Variants in HMG20A observed in about 807,000 individuals in gnomAD.
The protein encoded by HMG20A is high mobility group protein 20A.
HMG20A carries 17 observed loss-of-function variants against 43.9 expected under a neutral mutation model. That is an observed-to-expected ratio of 0.39 (90% CI 0.27 to 0.58). HMG20A has a LOEUF of 0.58. Among genes scored for constraint, HMG20A ranks in the 20% least tolerant of loss-of-function variants. HMG20A has a pLI of 0.59. For synonymous variants in HMG20A, 132 were observed against 147.5 expected, an observed-to-expected ratio of 0.89 and a Z score of 0.76; for missense variants, 341 against 438.2, an observed-to-expected ratio of 0.78 and a Z score of 1.98.
At chr15:77,519,110 C>T in the HMG20A span, among the ~76,000 whole-genome samples, 1 of 152,186 alleles carries the variant, frequency 6.6e-6, no homozygotes, top group African/African-American at 2.4e-5. Context: ...CATCCATTGT[C>T]CCTTCTGGCC....
chr15:77,433,568 T>C (rs943927029), intron 1 of HMG20A, among the ~76,000 whole-genome samples: 2 of 152,164 alleles, frequency 1.3e-5, no homozygotes, highest in African/African-American at 4.8e-5. Context: ...CTAAATGTGT[T>C]ACTTGGGAAT....
chr15:77,433,027 T>C (rs1008096931), intron 1 of HMG20A, among the ~76,000 whole-genome samples: 4 of 152,126 alleles, frequency 2.6e-5, no homozygotes, highest in Non-Finnish European at 5.9e-5. Flanking sequence ...CATGAAGAAA[T>C]AGAATATCTG....
rs76330870 is a variant in HMG20A, at chr15:77,468,671, T to C, written c.450+1364T>C. ...CACACACAAAATTTTGTTTTAATCATGTGAGGATAAATTATATACATTGTA... is the reference window on the plus strand; with the variant it reads ...CACACACAAAATTTTGTTTTAATCACGTGAGGATAAATTATATACATTGTA... On this transcript the variant is annotated intron_variant, in intron 4 of 9. Transcript: ENST00000336216. Among the ~76,000 whole-genome samples the C allele has an allele frequency of 1.9e-3, 283 of 152,018 alleles. 4 individuals are homozygous for C. The highest frequency in any genetic ancestry group is 6.6e-3 in the African/African-American group (273 of 41,452).
chr15:77,437,355 A>G (rs1331591919), intron 1 of HMG20A, among the ~76,000 whole-genome samples: 1 of 152,214 alleles, frequency 6.6e-6, no homozygotes, highest in East Asian at 1.9e-4. Flanking sequence ...AAGAAAATAG[A>G]TCATGCCATC....
At chr15:77,476,352 G>A (rs2072855084) in intron 6 of HMG20A, among the ~76,000 whole-genome samples, 2 of 152,088 alleles carry the variant, frequency 1.3e-5, no homozygotes. Context: ...AGGCATGGTG[G>A]TGGGCACCTG....
intron 1 of HMG20A, among the ~76,000 whole-genome samples, chr15:77,440,938 C>T (rs922292001): frequency 9.9e-5 from 15 of 152,102 alleles, no homozygotes; most frequent in African/African-American, 2.4e-4. Context: ...CTACTTGATA[C>T]GGCAGATGTG....
At chr15:77,477,529 A>T in intron 6 of HMG20A, 26 bp from the exon 7 acceptor site, 1 of 1,502,220 alleles carries the variant, frequency 6.7e-7, no homozygotes, top group Non-Finnish European at 9.2e-7. Context: ...TTAAGAATTA[A>T]CTGTTTTGTT....
chr15:77,508,104 C>T, the HMG20A span, among the ~76,000 whole-genome samples: 1 of 152,198 alleles, frequency 6.6e-6, no homozygotes, highest in African/African-American at 2.4e-5. Context: ...ACATTGTGCA[C>T]ACTTCCTGAC....
chr15:77,502,486 T>A, the HMG20A span, among the ~76,000 whole-genome samples: 1 of 152,174 alleles, frequency 6.6e-6, no homozygotes, highest in East Asian at 1.9e-4. Flanking sequence ...CTCGTCCTTC[T>A]CCAAATCCCT....
At chr15:77,516,858 G>C in the HMG20A span, among the ~76,000 whole-genome samples, 3 of 152,192 alleles carry the variant, frequency 2.0e-5, no homozygotes, top group African/African-American at 7.2e-5. Context: ...CTAAGGGTGT[G>C]CGACACTAAA....
At chr15:77,476,107 G>T (rs889200701) in intron 6 of HMG20A, among the ~76,000 whole-genome samples, 1 of 152,260 alleles carries the variant, frequency 6.6e-6, no homozygotes, top group South Asian at 2.1e-4. Flanking sequence ...CAGGAGCTCG[G>T]GTGTCAGATT....
At chr15:77,430,538 G>C (rs1253070319) in intron 1 of HMG20A, among the ~76,000 whole-genome samples, 1 of 152,172 alleles carries the variant, frequency 6.6e-6, no homozygotes, top group Non-Finnish European at 1.5e-5. Context: ...TTTTTTCCTA[G>C]GAATTTGCTA....
intron 1 of HMG20A, among the ~76,000 whole-genome samples, chr15:77,434,343 A>T (rs1461538378): frequency 7.6e-6 from 1 of 131,906 alleles, no homozygotes; most frequent in East Asian, 2.0e-4. Flanking sequence ...TAAAAACTTC[A>T]TAAACTCATG....
intron 6 of HMG20A, 69 bp from the exon 7 acceptor site, chr15:77,477,486 G>C: frequency 9.1e-7 from 1 of 1,093,956 alleles, no homozygotes. Context: ...CATGATCATT[G>C]TCTTCAGGCA....
At chr15:77,496,965 C>T in the HMG20A span, among the ~76,000 whole-genome samples, 2 of 152,224 alleles carry the variant, frequency 1.3e-5, no homozygotes, top group African/African-American at 4.8e-5. Context: ...GAGGACGGCC[C>T]GGGACCCAGT....
chr15:77,444,200 T>C (rs987006628), intron 1 of HMG20A, among the ~76,000 whole-genome samples: 2 of 152,216 alleles, frequency 1.3e-5, no homozygotes, highest in South Asian at 2.1e-4. Flanking sequence ...ATTTTACATA[T>C]AAGGGTATTG....
chr15:77,506,073 CAA>C, the HMG20A span, among the ~76,000 whole-genome samples: 1,019 of 69,678 alleles, frequency 0.015, 15 homozygotes, highest in East Asian at 0.069. Flanking sequence ...GTAGAGTTAG[CAA>C]AAAAAAAAAA....
intron 7 of HMG20A, chr15:77,478,036 C>CA (rs534307957): frequency 9.2e-5 from 50 of 542,970 alleles, no homozygotes; most frequent in Middle Eastern, 9.9e-4. Flanking sequence ...AACTAACAAA[C>CA]AAAAAAATAC....
intron 1 of HMG20A, among the ~76,000 whole-genome samples, chr15:77,434,314 A>G (rs1567390788): frequency 6.6e-6 from 1 of 152,146 alleles, no homozygotes; most frequent in Non-Finnish European, 1.5e-5. Flanking sequence ...TGATCCGAAA[A>G]GGAAGGAGTT....
Sources: gnomAD v4.1 joint callset for allele counts (sites outside exome capture counted in the v4.1 genomes callset) on GRCh38, gnomAD v4.1.1 for gene constraint, MANE v1.5 for transcripts, NCBI Gene and HGNC (gene_info 2026-07-23, HGNC 2026-07-21) for gene names.